The following LRP6 variants were observed in gnomAD, a reference collection of about 807,000 sequenced individuals.
The protein encoded by LRP6 is LDL receptor related protein 6.
Under a neutral mutation model 184.1 loss-of-function variants are expected in LRP6, and 43 were observed. The ratio of observed to expected loss-of-function variants is 0.23; its 90% CI spans 0.18 to 0.30. LRP6 has a LOEUF of 0.30. LRP6 is among the 10% of genes least tolerant of loss of function. The pLI, the probability that LRP6 is intolerant of heterozygous loss-of-function variation, is 1.00. For synonymous variants in LRP6, 719 were observed against 684.9 expected, an observed-to-expected ratio of 1.05 and a Z score of -0.78; for missense variants, 1,571 against 2,005.3, an observed-to-expected ratio of 0.78 and a Z score of 4.14.
intron 7 of LRP6, among the ~76,000 whole-genome samples, chr12:12,177,987 C>T (rs908150846): frequency 3.9e-5 from 6 of 151,982 alleles, no homozygotes; most frequent in African/African-American, 7.2e-5. Flanking sequence ...GAAGGGGTGA[C>T]GGAGCCAATG....
intron 7 of LRP6, among the ~76,000 whole-genome samples, chr12:12,167,624 A>C (rs1565590972): frequency 6.6e-6 from 1 of 151,294 alleles, no homozygotes; most frequent in Non-Finnish European, 1.5e-5. Context: ...ACCTGGCAAC[A>C]AAGTGAGACT....
intron 12 of LRP6, chr12:12,155,567 G>C (rs1950140707): frequency 6.7e-6 from 5 of 742,600 alleles, no homozygotes; most frequent in South Asian, 1.4e-5. Context: ...TAAGAGCCGA[G>C]ATAGCTTCCT....
At chr12:12,238,436 A>T (rs138146682) in intron 2 of LRP6, among the ~76,000 whole-genome samples, 226 of 152,208 alleles carry the variant, frequency 1.5e-3, no homozygotes, top group African/African-American at 4.5e-3. Flanking sequence ...TAGAAATATG[A>T]ATCCTAACCA....
chr12:12,168,705 T>C (rs1591908507), intron 7 of LRP6, among the ~76,000 whole-genome samples: 1 of 152,140 alleles, frequency 6.6e-6, no homozygotes, highest in African/African-American at 2.4e-5. Flanking sequence ...ATGAAAAAAA[T>C]AAATAAACCA....
chr12:12,257,271 A>C (rs1865487373), intron 1 of LRP6, among the ~76,000 whole-genome samples: 3 of 152,050 alleles, frequency 2.0e-5, no homozygotes, highest in Admixed American at 1.3e-4. Flanking sequence ...AGCTCCAAAA[A>C]ACTTGGTTTA....
intron 1 of LRP6, among the ~76,000 whole-genome samples, chr12:12,246,792 C>T (rs988211500): frequency 3.9e-5 from 6 of 152,056 alleles, no homozygotes; most frequent in South Asian, 2.1e-4. Context: ...TTAGAAGTAA[C>T]GATTCCCCTT....
rs964243304 is a variant in LRP6, at chr12:12,147,499, C to T, written c.3264G>A (p.Leu1088=). Residue 1088 remains leucine, a synonymous_variant, in exon 15 of 23, where the codon TTG becomes TTA. Coordinates refer to ENST00000261349, the MANE Select transcript of LRP6 (RefSeq NM_002336.3). ...AGAGGACCTCCCGTTCTGTCCCATCCAAAGCAGCCCGTTCAATTTTAGGAG... is the reference window on the plus strand; with the variant it reads ...AGAGGACCTCCCGTTCTGTCCCATCTAAAGCAGCCCGTTCAATTTTAGGAG... ...ERSPKIERAA[L]DGTEREVLFF... is the part of the protein sequence containing the mutation. The T allele has an allele frequency of 5.0e-6, 8 of 1,613,912 alleles. No individual in the cohort carries two copies. In the African/African-American group the frequency reaches 1.1e-4, roughly 22 times the overall value.
intron 2 of LRP6, among the ~76,000 whole-genome samples, chr12:12,220,062 G>A (rs1295918784): frequency 3.3e-5 from 5 of 152,018 alleles, no homozygotes; most frequent in Non-Finnish European, 5.9e-5. Context: ...TGAGGCGGGC[G>A]GATCACCTGA....
rs1461910767 is a variant in LRP6, at chr12:12,120,898, T to G, written c.*228A>C. The G allele has an allele frequency of 2.5e-6, 1 of 396,660 alleles. No individual in the cohort carries two copies. The highest frequency in any genetic ancestry group is 4.4e-6 in the Non-Finnish European group (1 of 226,284). 24.6% of individuals were successfully genotyped at this position (396,660 alleles called of 1,614,324 possible). A position where few individuals can be genotyped will look rare whatever the true frequency, so the allele number is the denominator to read the frequency against. ...TAAAACTTTTAGTACAAATTTTTTTTATACAAACTTTTATGGCACAAGCAG... is the reference window on the plus strand; with the variant it reads ...TAAAACTTTTAGTACAAATTTTTTTGATACAAACTTTTATGGCACAAGCAG... On this transcript the variant is annotated 3_prime_UTR_variant, in exon 23 of 23. Transcript: ENST00000261349.
chr12:12,147,009 G>A (rs113198557), intron 15 of LRP6, among the ~76,000 whole-genome samples: 1 of 152,188 alleles, frequency 6.6e-6, no homozygotes, highest in Non-Finnish European at 1.5e-5. Context: ...AAAATTAGCT[G>A]GGCGCAGTGG....
intron 15 of LRP6, among the ~76,000 whole-genome samples, chr12:12,144,181 C>G (rs1389250111): frequency 1.3e-5 from 2 of 152,166 alleles, no homozygotes; most frequent in East Asian, 3.9e-4. Context: ...CAAAGAATTC[C>G]TATACAACAA....
chr12:12,216,848 C>T (rs1864362684), intron 2 of LRP6, among the ~76,000 whole-genome samples: 1 of 151,444 alleles, frequency 6.6e-6, no homozygotes, highest in South Asian at 2.1e-4. Flanking sequence ...CCCCTCCCTC[C>T]CCCTGCCCCT....
intron 1 of LRP6, among the ~76,000 whole-genome samples, chr12:12,250,135 C>T (rs767573187): frequency 2.0e-5 from 3 of 150,732 alleles, no homozygotes; most frequent in Non-Finnish European, 4.4e-5. Flanking sequence ...TTTTCTACTT[C>T]TAATACTTTC....
intron 6 of LRP6, 83 bp downstream of exon 6, chr12:12,180,960 T>C: frequency 6.9e-7 from 1 of 1,442,310 alleles, no homozygotes; most frequent in Non-Finnish European, 9.7e-7. Context: ...AATATATATG[T>C]CATGTTATCT....
chr12:12,131,771 T>G, intron 18 of LRP6, 50 bp downstream of exon 18: 1 of 1,508,526 alleles, frequency 6.6e-7, no homozygotes, highest in Non-Finnish European at 9.2e-7. Flanking sequence ...TTTAAACAAC[T>G]GAATGGGAAA....
chr12:12,211,793 T>C (rs763907937), intron 2 of LRP6, among the ~76,000 whole-genome samples: 4 of 152,200 alleles, frequency 2.6e-5, no homozygotes, highest in African/African-American at 7.2e-5. Flanking sequence ...GAAATAACAT[T>C]GGTAAACCAC....
chr12:12,145,271 A>T (rs1442078911), intron 15 of LRP6, among the ~76,000 whole-genome samples: 6 of 152,128 alleles, frequency 3.9e-5, no homozygotes, highest in Non-Finnish European at 7.4e-5. Context: ...TGTGTGCCTA[A>T]CTGTCTGGAA....
intron 1 of LRP6, among the ~76,000 whole-genome samples, chr12:12,248,257 CTAT>C (rs1224561297): frequency 6.6e-6 from 1 of 152,050 alleles, no homozygotes; most frequent in Non-Finnish European, 1.5e-5. Flanking sequence ...AGGTTCCTTG[CTAT>C]TGTTTTGTTT....
intron 2 of LRP6, among the ~76,000 whole-genome samples, chr12:12,215,411 T>C (rs1308614325): frequency 6.6e-6 from 1 of 152,110 alleles, no homozygotes; most frequent in Non-Finnish European, 1.5e-5. Flanking sequence ...CAGTAAGGAC[T>C]AAGATTATTT....
Sources: allele counts gnomAD v4.1 joint callset (sites outside exome capture counted in the v4.1 genomes callset), GRCh38; gene constraint gnomAD v4.1.1; transcripts MANE v1.5; gene names NCBI Gene and HGNC (gene_info 2026-07-23, HGNC 2026-07-21).